TBCK: variants seen among roughly 807,000 people sequenced by gnomAD.
TBCK encodes the protein TBC domain-containing protein kinase-like protein.
In TBCK, 99 loss-of-function variants were observed where a neutral mutation model predicts 113.4. That is an observed-to-expected ratio of 0.87 (90% confidence interval 0.74 to 1.03). TBCK has a LOEUF of 1.03. TBCK is among the 50% of genes least tolerant of loss of function. TBCK has a pLI of 0.00. For missense variants in TBCK, 1,045 were observed against 1,061.3 expected (o/e 0.98, Z 0.21); for synonymous variants, 369 against 370.8 (o/e 1.00, Z 0.05).
intron 22 of TBCK, among the ~76,000 whole-genome samples, chr4:106,185,463 GAAC>G (rs149950904): frequency 0.026 from 3,971 of 152,040 alleles, 159 homozygotes; most frequent in African/African-American, 0.091. Context: ...TATACTCACT[GAAC>G]AACAACTTCC....
intron 19 of TBCK, among the ~76,000 whole-genome samples, chr4:106,223,762 A>G (rs557076933): frequency 6.6e-6 from 1 of 152,270 alleles, no homozygotes; most frequent in South Asian, 2.1e-4. Flanking sequence ...AATATAGTCT[A>G]CCTGGTTCCT....
chr4:106,146,219 C>T (rs567891602), intron 23 of TBCK, among the ~76,000 whole-genome samples: 17 of 152,088 alleles, frequency 1.1e-4, no homozygotes, highest in Non-Finnish European at 1.6e-4. Flanking sequence ...TATACATATA[C>T]ATATACATGT....
At chr4:106,086,732 T>C (rs1351370699) in intron 25 of TBCK, among the ~76,000 whole-genome samples, 1 of 152,070 alleles carries the variant, frequency 6.6e-6, no homozygotes, top group African/African-American at 2.4e-5. Flanking sequence ...AACTTATCCA[T>C]CACGATCAAG....
At chr4:106,180,482 C>G (rs1043372653) in intron 22 of TBCK, among the ~76,000 whole-genome samples, 16 of 151,946 alleles carry the variant, frequency 1.1e-4, no homozygotes, top group Non-Finnish European at 1.5e-5. Flanking sequence ...GTCTGCAGCA[C>G]CCATCAACCC....
At chr4:106,134,526 CT>C (rs1746339839) in intron 23 of TBCK, among the ~76,000 whole-genome samples, 1 of 152,130 alleles carries the variant, frequency 6.6e-6, no homozygotes, top group Non-Finnish European at 1.5e-5. Context: ...TCCTCCTATC[CT>C]TTATAAGGAG....
chr4:106,161,353 G>A (rs1023839045), intron 23 of TBCK, among the ~76,000 whole-genome samples: 2 of 152,114 alleles, frequency 1.3e-5, no homozygotes, highest in Admixed American at 6.6e-5. Flanking sequence ...CGGAGAACAA[G>A]CTAAAAACAC....
In TBCK at chr4:106,231,812, A is replaced by G. The variant is rs1758883524; in HGVS notation, c.1640-33T>C. On this transcript the variant is annotated intron_variant, in intron 17 of 25. Transcript: ENST00000394708. ...AGAGGGGTTGGGAGAAAGAAGTCAA[A>G]TAAATATAATCTAGTAGAATTGAAG... is the stretch of plus-strand genomic sequence containing the variant. The G allele has an allele frequency of 3.2e-6, 5 of 1,575,150 alleles. No individual in the cohort carries two copies. The South Asian group carries it at 4.5e-5, about 14-fold the overall frequency.
chr4:106,214,337 C>T (rs1756580081), intron 19 of TBCK, among the ~76,000 whole-genome samples: 1 of 152,220 alleles, frequency 6.6e-6, no homozygotes, highest in Non-Finnish European at 1.5e-5. Context: ...GAACGCGGCT[C>T]CTCACCAGCA....
chr4:106,311,608 G>A (rs1180174875), intron 1 of TBCK, among the ~76,000 whole-genome samples: 1 of 152,054 alleles, frequency 6.6e-6, no homozygotes, highest in African/African-American at 2.4e-5. Flanking sequence ...AGTGGGGTAA[G>A]GTTAGGGAAA....
chr4:106,080,024 A>G (rs1738672648), intron 25 of TBCK, among the ~76,000 whole-genome samples: 1 of 152,200 alleles, frequency 6.6e-6, no homozygotes, highest in Non-Finnish European at 1.5e-5. Context: ...CCCTCCTCTA[A>G]CAATTCGACA....
chr4:106,297,907 A>T (rs1393225660), intron 2 of TBCK, among the ~76,000 whole-genome samples: 1 of 152,188 alleles, frequency 6.6e-6, no homozygotes, highest in Non-Finnish European at 1.5e-5. Context: ...GGTTGTTGTG[A>T]GGTTGAAATG....
At position 106,262,078 on chromosome 4, in the gene TBCK, T is replaced by C. The variant is rs760254782; in HGVS notation, c.381+20A>G. ...ATTTCAAATGATATATAAATATTTA[T>C]TACATGATTTAACAATTACCTTTCG... On this transcript the variant is annotated intron_variant, in intron 4 of 25. Transcript: ENST00000394708. 2.9e-6 allele frequency: 4 copies of C among 1,376,682 alleles called. No individual in the cohort carries two copies. Among genetic ancestry groups the C allele is most frequent in the Non-Finnish European group, 4.0e-6 (4 of 1,001,118 alleles). 85.3% of individuals were successfully genotyped at this position (1,376,682 alleles called of 1,614,324 possible).
At chr4:106,132,185 T>A (rs546344256) in intron 23 of TBCK, among the ~76,000 whole-genome samples, 1 of 152,296 alleles carries the variant, frequency 6.6e-6, no homozygotes, top group East Asian at 1.9e-4. Flanking sequence ...CTCCAGGGCA[T>A]GTAGGAGACC....
intron 2 of TBCK, among the ~76,000 whole-genome samples, chr4:106,300,764 TA>T (rs1766853987): frequency 6.6e-6 from 1 of 152,160 alleles, no homozygotes; most frequent in Non-Finnish European, 1.5e-5. Flanking sequence ...TTATCCTAGA[TA>T]ATCAGGGTAA....
At chr4:106,068,328 T>C (rs189406477) in intron 25 of TBCK, among the ~76,000 whole-genome samples, 229 of 151,402 alleles carry the variant, frequency 1.5e-3, no homozygotes, top group African/African-American at 5.5e-3. Flanking sequence ...CAGGCCCCAG[T>C]GTGTGGTGCT....
chr4:106,193,470 A>G (rs1753878874), intron 22 of TBCK, 139 bp downstream of exon 22: 1 of 802,610 alleles, frequency 1.2e-6, no homozygotes, highest in Non-Finnish European at 2.0e-6. Flanking sequence ...ATATGAGAGA[A>G]AGAATCCAGA....
Position 106,045,925 on chromosome 4 carries a change from T to C in TBCK, c.*645A>G, listed in dbSNP as rs181904101. The stretch of plus-strand genomic sequence containing the variant: ...TGTGATAAAGAAACTAGAAAATTTG[T>C]TTAAGCCATTCGTCTTTGCTACAGG... On this transcript the variant is annotated 3_prime_UTR_variant, in exon 26 of 26. Coordinates refer to ENST00000394708, the MANE Select transcript of TBCK (RefSeq NM_001163435.3). 6 of 152,338 alleles carry C rather than the reference T, an allele frequency of 3.9e-5. No individual in the cohort carries two copies. In the East Asian group the frequency reaches 1.2e-3, roughly 29 times the overall value. 9.4% of individuals were successfully genotyped at this position (152,338 alleles called of 1,614,324 possible).
intron 23 of TBCK, among the ~76,000 whole-genome samples, chr4:106,121,826 C>T (rs1301731901): frequency 3.9e-5 from 6 of 151,900 alleles, no homozygotes; most frequent in East Asian, 1.9e-4. Context: ...TTGAAACCAA[C>T]GAGAACAAAG....
chr4:106,062,695 A>C (rs1005578386), intron 25 of TBCK, among the ~76,000 whole-genome samples: 63 of 151,914 alleles, frequency 4.1e-4, no homozygotes, highest in African/African-American at 1.5e-3. Flanking sequence ...TGGGCTGTGG[A>C]GTACAGGGTG....
Sources: allele counts gnomAD v4.1 joint callset (sites outside exome capture counted in the v4.1 genomes callset), GRCh38; gene constraint gnomAD v4.1.1; transcripts MANE v1.5; gene names NCBI Gene and HGNC (gene_info 2026-07-23, HGNC 2026-07-21).